Variants in LRRC20 observed in about 807,000 individuals in gnomAD.
LRRC20 encodes leucine-rich repeat-containing protein 20.
In LRRC20, 11 loss-of-function variants were observed where a neutral mutation model predicts 14.4. That is an observed-to-expected ratio of 0.77 (90% confidence interval 0.48 to 1.27). The LOEUF is 1.27. LRRC20 is among the 50% of genes most tolerant of loss of function. The probability of loss-of-function intolerance (pLI) is 0.00; values close to 1 mark genes in which losing one functional copy is unlikely to be tolerated. For synonymous variants in LRRC20, 121 were observed against 107.3 expected (o/e 1.13, Z -0.79); for missense variants, 219 against 251.2 (o/e 0.87, Z 0.87).
intron 2 of LRRC20, among the ~76,000 whole-genome samples, chr10:70,363,107 T>TA (rs766926111): frequency 1.9e-3 from 60 of 32,152 alleles, no homozygotes; most frequent in African/African-American, 3.8e-3. Flanking sequence ...TTATCTCTAT[T>TA]AAAAAAAAAA....
intron 4 of LRRC20, among the ~76,000 whole-genome samples, chr10:70,304,466 T>A (rs1300414990): frequency 1.4e-5 from 1 of 68,970 alleles, no homozygotes; most frequent in Non-Finnish European, 3.2e-5. Context: ...ATCAGGCCAC[T>A]TCTTTATATA....
chr10:70,361,808 C>A (rs1843731497), intron 2 of LRRC20, among the ~76,000 whole-genome samples: 1 of 151,520 alleles, frequency 6.6e-6, no homozygotes, highest in African/African-American at 2.4e-5. Context: ...AACCAGGAAT[C>A]TCGAGGATGA....
Position 70,301,002 on chromosome 10 carries a change from A to C in LRRC20, c.*352T>G, listed in dbSNP as rs1224452310. On this transcript the variant is annotated 3_prime_UTR_variant, in exon 5 of 5. Transcript: ENST00000446961. ...CACCTGTGCCTGCTGATCTGGAGGT[A>C]ACTTGGAGGCACGTACTGCTTAAAA... 9.7e-7 allele frequency: 1 copy of C among 1,035,662 alleles called. No homozygotes were observed. The highest frequency in any genetic ancestry group is 8.1e-5 in the East Asian group (1 of 12,418). The allele number at this position is 1,035,662 out of a possible 1,614,324, so 64.2% of individuals were successfully genotyped here. A position where few individuals can be genotyped will look rare whatever the true frequency, so the allele number is the denominator to read the frequency against.
chr10:70,372,089 G>A (rs1195630668), intron 2 of LRRC20, among the ~76,000 whole-genome samples: 3 of 150,466 alleles, frequency 2.0e-5, no homozygotes, highest in African/African-American at 7.4e-5. Flanking sequence ...AACCCAGCAG[G>A]ACGGGAAAAG....
chr10:70,328,489 G>GT (rs1842410015), intron 3 of LRRC20, among the ~76,000 whole-genome samples: 1 of 152,136 alleles, frequency 6.6e-6, no homozygotes, highest in South Asian at 2.1e-4. Flanking sequence ...GAGAGACAGG[G>GT]TTTTGCCATG....
chr10:70,380,797 G>A (rs1229131028), intron 1 of LRRC20, among the ~76,000 whole-genome samples: 1 of 152,202 alleles, frequency 6.6e-6, no homozygotes, highest in Non-Finnish European at 1.5e-5. Flanking sequence ...TCCAGCAAAC[G>A]TCTCCTGGAC....
At chr10:70,346,834 G>A (rs1843090292) in intron 2 of LRRC20, among the ~76,000 whole-genome samples, 1 of 152,150 alleles carries the variant, frequency 6.6e-6, no homozygotes, top group South Asian at 2.1e-4. Context: ...CATTTGCCAA[G>A]TATCTGTATA....
At chr10:70,316,512 C>T (rs1412451649) in intron 4 of LRRC20, among the ~76,000 whole-genome samples, 3 of 152,244 alleles carry the variant, frequency 2.0e-5, no homozygotes, top group African/African-American at 7.2e-5. Flanking sequence ...CAACAGTATC[C>T]TGGACAGTTG....
rs1176503105 is a variant in LRRC20, at chr10:70,323,905, G to A, written c.358C>T (p.Pro120Ser). 1.9e-6 allele frequency: 3 copies of A among 1,614,212 alleles called. No homozygotes were observed. The South Asian group carries it at 3.3e-5, about 18-fold the overall frequency. The change falls in exon 4 of 5, where the codon CCG becomes TCG. Residue 120 changes from proline to serine, a missense_variant. Coordinates refer to ENST00000446961, the MANE Select transcript of LRRC20 (RefSeq NM_001278212.2). ...QDFPEQLTAL[P>S]ALETINLEEN... Reference sequence around the variant, plus strand: ...TCCAGGTTGATGGTCTCCAGCGCCGGCAGGGCGGTAAGCTGCTCAGGGAAG... The same window carrying A: ...TCCAGGTTGATGGTCTCCAGCGCCGACAGGGCGGTAAGCTGCTCAGGGAAG...
chr10:70,315,159 G>T (rs1289116756), intron 4 of LRRC20, among the ~76,000 whole-genome samples: 1 of 152,162 alleles, frequency 6.6e-6, no homozygotes, highest in East Asian at 1.9e-4. Flanking sequence ...AGAAGAGCTG[G>T]GTGTGCAGCA....
At chr10:70,376,751 T>G in intron 1 of LRRC20, 155 bp from the exon 2 acceptor site, 1 of 569,696 alleles carries the variant, frequency 1.8e-6, no homozygotes, top group Non-Finnish European at 3.1e-6. Context: ...GGCCGAGAGC[T>G]CAGGCCACAT....
At chr10:70,301,584 A>G (rs1320526176) in intron 4 of LRRC20, 76 bp from the exon 5 acceptor site, 8 of 1,519,600 alleles carry the variant, frequency 5.3e-6, no homozygotes, top group Admixed American at 1.8e-5. Flanking sequence ...GGCCATGAGG[A>G]CTCTGAGCAC....
At chr10:70,379,845 T>C (rs1435406596) in intron 1 of LRRC20, among the ~76,000 whole-genome samples, 2 of 152,122 alleles carry the variant, frequency 1.3e-5, no homozygotes, top group Non-Finnish European at 2.9e-5. Context: ...TTTCCCACTG[T>C]AGTGGGAGAG....
In LRRC20 at chr10:70,301,407, T is replaced by G; in HGVS notation, c.502A>C (p.Ile168Leu). 1 of 1,614,038 alleles carries G rather than the reference T, an allele frequency of 6.2e-7. No homozygotes were observed. Among genetic ancestry groups the G allele is most frequent in the South Asian group, 1.1e-5 (1 of 91,080 alleles). ...GGAGACATGAGCATGTCAAACTTGA[T>G]GAGCGGCGGGGCGATCACGCGCACC... ...AEVRVIAPPL[I>L]KFDMLMSPEG... Residue 168 changes from isoleucine to leucine, a missense_variant, in exon 5 of 5, where the codon ATC becomes CTC. Transcript: ENST00000446961.
chr10:70,373,109 C>CA (rs11356424), intron 2 of LRRC20, among the ~76,000 whole-genome samples: 5 of 150,400 alleles, frequency 3.3e-5, no homozygotes, highest in African/African-American at 1.2e-4. Context: ...GACTCCATCT[C>CA]AAAAAAAAAA....
chr10:70,323,765 A>C (rs1202226570), intron 4 of LRRC20, 98 bp downstream of exon 4: 1 of 1,374,226 alleles, frequency 7.3e-7, no homozygotes, highest in Non-Finnish European at 1.0e-6. Context: ...CAGAAAGCCC[A>C]AGCTTCTCCT....
In LRRC20 at chr10:70,314,479, C is replaced by A. The variant is rs61312310; in HGVS notation, c.400+9384G>T. On this transcript the variant is annotated intron_variant, in intron 4 of 4. Coordinates refer to ENST00000446961, the MANE Select transcript of LRRC20 (RefSeq NM_001278212.2). ...TGATTATTAAACTCTTTCTTTGCTG[C>A]AAAACCTGCTGTTCTCAGTGAATTT... Among the ~76,000 whole-genome samples, 277 of 152,296 alleles carry A rather than the reference C, an allele frequency of 1.8e-3. 1 individual carries two copies. The highest frequency in any genetic ancestry group is 6.3e-3 in the African/African-American group (260 of 41,568).
At chr10:70,362,756 T>C (rs1000790679) in intron 2 of LRRC20, among the ~76,000 whole-genome samples, 3 of 152,178 alleles carry the variant, frequency 2.0e-5, no homozygotes, top group African/African-American at 7.2e-5. Flanking sequence ...CAGGGGACAT[T>C]TGGAAATGTC....
At chr10:70,378,553 G>A (rs1229082609) in intron 1 of LRRC20, among the ~76,000 whole-genome samples, 2 of 151,714 alleles carry the variant, frequency 1.3e-5, no homozygotes, top group Admixed American at 6.6e-5. Context: ...TTGGAAGGCC[G>A]AGGTGGGCAG....
Sources: gnomAD v4.1 joint callset for allele counts (sites outside exome capture counted in the v4.1 genomes callset) on GRCh38, gnomAD v4.1.1 for gene constraint, MANE v1.5 for transcripts, NCBI Gene and HGNC (gene_info 2026-07-23, HGNC 2026-07-21) for gene names.